The following EXD3 variants were observed in gnomAD, a reference collection of about 807,000 sequenced individuals.
EXD3 encodes exonuclease mut-7 homolog.
EXD3 carries 92 observed loss-of-function variants against 98.0 expected under a neutral mutation model. The observed-to-expected ratio is 0.94, with a 90% CI of 0.79 to 1.12. The LOEUF (loss-of-function observed/expected upper bound fraction) is 1.12. Among genes scored for constraint, EXD3 ranks in the 50% most tolerant of loss-of-function variants. EXD3 has a pLI of 0.00. For synonymous variants in EXD3, 569 were observed against 526.0 expected, an observed-to-expected ratio of 1.08 and a Z score of -1.12; for missense variants, 1,222 against 1,191.6, an observed-to-expected ratio of 1.03 and a Z score of -0.38.
chr9:137,355,492 TGGAGGAAGGAGGAAGGAGGAA>T (rs1834624058), intron 8 of EXD3, among the ~76,000 whole-genome samples: 4 of 30,780 alleles, frequency 1.3e-4, no homozygotes, highest in African/African-American at 3.6e-4. Flanking sequence ...GGAAGGAGGA[TGGAGGAAGGAGGAAGGAGGAA>T]GGAGGAAGGA....
chr9:137,419,920 GAGGCCA>G (rs936294873), intron 1 of EXD3, among the ~76,000 whole-genome samples: 2 of 152,182 alleles, frequency 1.3e-5, no homozygotes, highest in African/African-American at 4.8e-5. Context: ...AGCACTTTGG[GAGGCCA>G]AGGCGGGCGG....
At chr9:137,346,389 T>C (rs1200716926) in intron 17 of EXD3, among the ~76,000 whole-genome samples, 1 of 151,936 alleles carries the variant, frequency 6.6e-6, no homozygotes, top group Non-Finnish European at 1.5e-5. Context: ...GCCCTCTCCA[T>C]GAAGAATAAA....
intron 3 of EXD3, chr9:137,377,099 T>C (rs1266803995): frequency 6.6e-6 from 1 of 152,196 alleles, no homozygotes; most frequent in African/African-American, 2.4e-5. Context: ...AGCAAGCGAC[T>C]GACTGAGCGT....
intron 1 of EXD3, among the ~76,000 whole-genome samples, chr9:137,418,665 C>G (rs990012558): frequency 6.6e-6 from 1 of 151,930 alleles, no homozygotes; most frequent in Non-Finnish European, 1.5e-5. Context: ...AGAAACAATT[C>G]TGTACGTGAG....
At chr9:137,417,764 G>C (rs1374880896) in intron 1 of EXD3, among the ~76,000 whole-genome samples, 1 of 152,114 alleles carries the variant, frequency 6.6e-6, no homozygotes, top group African/African-American at 2.4e-5. Flanking sequence ...CGGCCACTGC[G>C]CTGGGCCCTT....
At chr9:137,417,250 G>A (rs1029764652) in intron 1 of EXD3, among the ~76,000 whole-genome samples, 1 of 152,228 alleles carries the variant, frequency 6.6e-6, no homozygotes, top group African/African-American at 2.4e-5. Context: ...GGGCGCCGCA[G>A]GGACGGGGAT....
At chr9:137,363,257 A>C (rs750670557) in intron 7 of EXD3, among the ~76,000 whole-genome samples, 30 of 147,958 alleles carry the variant, frequency 2.0e-4, no homozygotes, top group Non-Finnish European at 3.7e-4. Context: ...TCTGAGTTTA[A>C]GCTGAATAAA....
chr9:137,354,005 C>T (rs910443658), intron 10 of EXD3: 10 of 1,140,804 alleles, frequency 8.8e-6, no homozygotes, highest in Admixed American at 9.6e-5. Flanking sequence ...CTTCCGGCCT[C>T]GCCCAGGCGC....
intron 1 of EXD3, among the ~76,000 whole-genome samples, chr9:137,415,991 C>T (rs1838214048): frequency 6.6e-6 from 1 of 152,166 alleles, no homozygotes; most frequent in Admixed American, 6.5e-5. Flanking sequence ...TTTGTATTTT[C>T]TGAATACTAC....
chr9:137,351,575 C>T, intron 12 of EXD3, 47 bp from the exon 13 acceptor site: 1 of 1,528,856 alleles, frequency 6.5e-7, no homozygotes, highest in Non-Finnish European at 8.9e-7. Flanking sequence ...CAACTTGGCT[C>T]TGCAGGGACC....
chr9:137,358,455 C>T (rs1834899766), intron 7 of EXD3, among the ~76,000 whole-genome samples: 1 of 152,188 alleles, frequency 6.6e-6, no homozygotes, highest in African/African-American at 2.4e-5. Context: ...TCTGGGCCTC[C>T]ACTTCCTGTG....
At chr9:137,326,836 T>C (rs1832429689) in intron 17 of EXD3, among the ~76,000 whole-genome samples, 1 of 151,982 alleles carries the variant, frequency 6.6e-6, no homozygotes, top group Admixed American at 6.5e-5. Context: ...GATTCAGCAG[T>C]TTCACCTTTA....
rs1285772555 is a variant in EXD3 at position 137,307,259 on chromosome 9, T to C, written c.2322A>G (p.Pro774=). ...AGCCCTCAGGGGCTGCGTCTGGGGCTGGGCCTGGACAGATAGAAGTGGACT... is the reference window on the plus strand; with the variant it reads ...AGCCCTCAGGGGCTGCGTCTGGGGCCGGGCCTGGACAGATAGAAGTGGACT... ...TQSQAVQEPG[P]APDAAPEGCT... The change falls in exon 22 of 22, where the codon CCA becomes CCG. Residue 774 remains proline (P), a synonymous_variant. Transcript: ENST00000340951. The C allele has an allele frequency of 1.3e-6, 2 of 1,530,648 alleles. No individual in the cohort carries two copies. Among genetic ancestry groups the C allele is most frequent in the Non-Finnish European group, 1.8e-6 (2 of 1,141,062 alleles). 94.8% of individuals were successfully genotyped at this position (1,530,648 alleles called of 1,614,324 possible). A position where few individuals can be genotyped will look rare whatever the true frequency, so the allele number is the denominator to read the frequency against.
chr9:137,356,874 G>A (rs1211530482), intron 7 of EXD3, among the ~76,000 whole-genome samples: 1 of 152,130 alleles, frequency 6.6e-6, no homozygotes, highest in Non-Finnish European at 1.5e-5. Flanking sequence ...GCAAGGTCCT[G>A]GGACTGACAC....
At chr9:137,398,327 G>A (rs955762418) in intron 1 of EXD3, among the ~76,000 whole-genome samples, 4 of 152,344 alleles carry the variant, frequency 2.6e-5, no homozygotes, top group South Asian at 2.1e-4. Flanking sequence ...GCCTGCCTCC[G>A]TCTGGATGGC....
At chr9:137,375,795 G>A (rs76348437) in intron 3 of EXD3, among the ~76,000 whole-genome samples, 3,895 of 152,234 alleles carry the variant, frequency 0.026, 167 homozygotes, top group African/African-American at 0.088. Flanking sequence ...CGGGACACGT[G>A]GGCCCTAGGT....
chr9:137,354,488 G>A (rs1230258402), intron 9 of EXD3, 111 bp from the exon 10 acceptor site: 7 of 1,562,388 alleles, frequency 4.5e-6, no homozygotes, highest in Non-Finnish European at 5.2e-6. Flanking sequence ...GCAGAGCCCA[G>A]GTGCTCACCC....
chr9:137,322,521 C>T (rs1200288243), intron 19 of EXD3, among the ~76,000 whole-genome samples: 2 of 83,400 alleles, frequency 2.4e-5, no homozygotes, highest in East Asian at 4.3e-4. Context: ...CCCCGGACCA[C>T]GAGGGATGCT....
intron 1 of EXD3, among the ~76,000 whole-genome samples, chr9:137,414,065 C>T (rs900756395): frequency 3.9e-5 from 6 of 151,954 alleles, no homozygotes; most frequent in Admixed American, 2.0e-4. Flanking sequence ...TACAGGCGTC[C>T]GCCACCACGC....
Sources: gnomAD v4.1 joint callset for allele counts (sites outside exome capture counted in the v4.1 genomes callset) on GRCh38, gnomAD v4.1.1 for gene constraint, MANE v1.5 for transcripts, NCBI Gene and HGNC (gene_info 2026-07-23, HGNC 2026-07-21) for gene names.